Variants in BCAR3 observed in about 807,000 individuals in gnomAD.
The protein encoded by BCAR3 is breast cancer anti-estrogen resistance protein 3.
Under a neutral mutation model 80.1 loss-of-function variants are expected in BCAR3, and 37 were observed. The observed-to-expected ratio is 0.46, with a 90% CI of 0.36 to 0.61. The LOEUF (loss-of-function observed/expected upper bound fraction) is 0.61. Ranked by LOEUF, BCAR3 falls within the 20% of genes least tolerant of loss-of-function variation. BCAR3 has a pLI of 0.00. For missense variants in BCAR3, 978 were observed against 1,068.2 expected (o/e 0.92, Z 1.18); for synonymous variants, 389 against 418.9 (o/e 0.93, Z 0.87).
At chr1:93,789,973 A>G (rs949478479) in intron 2 of BCAR3, among the ~76,000 whole-genome samples, 2 of 152,166 alleles carry the variant, frequency 1.3e-5, no homozygotes, top group African/African-American at 4.8e-5. Flanking sequence ...GGCTAAACAA[A>G]AGTTAATGGG....
chr1:93,719,768 T>G (rs1488356204), intron 2 of BCAR3, among the ~76,000 whole-genome samples: 1 of 152,202 alleles, frequency 6.6e-6, no homozygotes, highest in African/African-American at 2.4e-5. Context: ...TCAGCAAGTG[T>G]TTCATGATGT....
chr1:93,794,127 T>G (rs1320160012), intron 2 of BCAR3, among the ~76,000 whole-genome samples: 3 of 44,852 alleles, frequency 6.7e-5, no homozygotes, highest in African/African-American at 4.4e-4. Context: ...AAAATGTATA[T>G]TCTGTTGATT....
At chr1:93,758,620 T>C (rs1370799217) in intron 2 of BCAR3, among the ~76,000 whole-genome samples, 1 of 152,242 alleles carries the variant, frequency 6.6e-6, no homozygotes, top group African/African-American at 2.4e-5. Context: ...TTTTAAAGCA[T>C]AGCAGACTCA....
chr1:93,731,823 AG>A (rs1234399009), intron 2 of BCAR3, among the ~76,000 whole-genome samples: 1 of 152,168 alleles, frequency 6.6e-6, no homozygotes, highest in Non-Finnish European at 1.5e-5. Flanking sequence ...GTGCCTGGGG[AG>A]TAGGGAGTGG....
intron 7 of BCAR3, 36 bp downstream of exon 7, chr1:93,582,265 A>T (rs780146967): frequency 2.9e-5 from 46 of 1,587,736 alleles, no homozygotes; most frequent in Non-Finnish European, 3.7e-5. Context: ...CCAAACCTTG[A>T]AAAGCCAGAG....
At chr1:93,655,948 T>C (rs1295259059) in intron 2 of BCAR3, among the ~76,000 whole-genome samples, 2 of 152,244 alleles carry the variant, frequency 1.3e-5, no homozygotes, top group Non-Finnish European at 2.9e-5. Context: ...TTTTAGATCT[T>C]AGGCTTTCCT....
chr1:93,634,227 T>C (rs531110702), intron 3 of BCAR3, among the ~76,000 whole-genome samples: 1 of 152,364 alleles, frequency 6.6e-6, no homozygotes, highest in African/African-American at 2.4e-5. Context: ...CAACGTAATG[T>C]ATTCAAGATT....
chr1:93,688,740 C>T (rs1409711059), intron 3 of BCAR3, among the ~76,000 whole-genome samples: 1 of 152,006 alleles, frequency 6.6e-6, no homozygotes, highest in Non-Finnish European at 1.5e-5. Context: ...GGATTACAGG[C>T]GTGTGCCACC....
At chr1:93,808,713 T>TA (rs202234707) in intron 2 of BCAR3, among the ~76,000 whole-genome samples, 12 of 151,674 alleles carry the variant, frequency 7.9e-5, no homozygotes, top group South Asian at 2.1e-4. Flanking sequence ...TAGAATCAGT[T>TA]AAAAAAAATA....
intron 3 of BCAR3, among the ~76,000 whole-genome samples, chr1:93,705,891 G>A (rs1435423005): frequency 6.6e-6 from 1 of 151,652 alleles, no homozygotes; most frequent in South Asian, 2.1e-4. Flanking sequence ...CGGTCTCAAG[G>A]CTGCGATGAA....
chr1:93,564,240 T>C (rs984453204), intron 11 of BCAR3, among the ~76,000 whole-genome samples: 2 of 151,982 alleles, frequency 1.3e-5, no homozygotes, highest in African/African-American at 4.8e-5. Context: ...GTGTACTCAA[T>C]GTTTTCTGCT....
intron 2 of BCAR3, among the ~76,000 whole-genome samples, chr1:93,771,290 C>T (rs72965494): frequency 0.031 from 4,701 of 152,134 alleles, 272 homozygotes; most frequent in African/African-American, 0.11. Context: ...CCACAGCCAC[C>T]CTGTCAGAGT....
chr1:93,620,111 G>A (rs758337969), intron 3 of BCAR3, among the ~76,000 whole-genome samples: 3 of 152,062 alleles, frequency 2.0e-5, no homozygotes, highest in Non-Finnish European at 2.9e-5. Context: ...CAGGGCACAC[G>A]CCCACCCACA....
At chr1:93,769,281 G>C (rs1652266095) in intron 2 of BCAR3, among the ~76,000 whole-genome samples, 1 of 151,982 alleles carries the variant, frequency 6.6e-6, no homozygotes, top group Non-Finnish European at 1.5e-5. Flanking sequence ...TGCAAACACA[G>C]AGCTCCCTCT....
Position 93,567,296 on chromosome 1 carries a change from G to A in BCAR3, c.2282C>T (p.Ala761Val), listed in dbSNP as rs1213998119. The change falls in exon 11 of 12, where the codon GCT becomes GTT. Residue 761 changes from alanine to valine, a missense_variant. Coordinates refer to ENST00000260502, the MANE Select transcript of BCAR3 (RefSeq NM_003567.4). ...TCTCTTACCTGCCAGGATCCTCTCA[G>A]CATTCATCCGGTAGCTGTCTGCAGC... ...AEAADSYRMN[A>V]ERILAGFQPD... 1.2e-6 allele frequency: 2 copies of A among 1,614,072 alleles called. No homozygotes were observed. Among genetic ancestry groups the A allele is most frequent in the Admixed American group, 3.3e-5 (2 of 60,026 alleles).
intron 2 of BCAR3, among the ~76,000 whole-genome samples, chr1:93,774,761 T>C (rs1350068924): frequency 6.6e-6 from 1 of 152,200 alleles, no homozygotes; most frequent in Non-Finnish European, 1.5e-5. Flanking sequence ...TTCTATCTGG[T>C]TTCTCACACA....
At chr1:93,749,610 G>C (rs988379050) in intron 2 of BCAR3, among the ~76,000 whole-genome samples, 1 of 145,156 alleles carries the variant, frequency 6.9e-6, no homozygotes, top group Non-Finnish European at 1.5e-5. Flanking sequence ...AAAAAGAAAA[G>C]AAAATCCAAT....
intron 2 of BCAR3, among the ~76,000 whole-genome samples, chr1:93,669,070 G>C (rs1411260184): frequency 1.3e-5 from 2 of 151,940 alleles, no homozygotes; most frequent in Non-Finnish European, 2.9e-5. Context: ...TACACAAAAA[G>C]CTTCCAATTT....
At chr1:93,629,308 C>T (rs757042006) in intron 3 of BCAR3, among the ~76,000 whole-genome samples, 3 of 152,066 alleles carry the variant, frequency 2.0e-5, no homozygotes, top group Non-Finnish European at 2.9e-5. Context: ...CCTGCCAAGC[C>T]GAGATGTTTT....
Sources: gnomAD v4.1 joint callset for allele counts (sites outside exome capture counted in the v4.1 genomes callset) on GRCh38, gnomAD v4.1.1 for gene constraint, MANE v1.5 for transcripts, NCBI Gene and HGNC (gene_info 2026-07-23, HGNC 2026-07-21) for gene names.